The following MACROD2 variants were observed in gnomAD, a reference collection of about 807,000 sequenced individuals.
MACROD2 encodes the protein ADP-ribose glycohydrolase MACROD2.
In MACROD2, 36 loss-of-function variants were observed where a neutral mutation model predicts 70.4. The ratio of observed to expected loss-of-function variants is 0.51; its 90% confidence interval spans 0.39 to 0.68. The LOEUF is 0.68. Ranked by LOEUF, MACROD2 falls within the 30% of genes least tolerant of loss-of-function variation. The pLI is 0.00. For missense variants in MACROD2, 496 were observed against 538.4 expected, an observed-to-expected ratio of 0.92 and a Z score of 0.78; for synonymous variants, 172 against 178.8, an observed-to-expected ratio of 0.96 and a Z score of 0.30.
chr20:14,500,047 A>G (rs1202245643), intron 4 of MACROD2, among the ~76,000 whole-genome samples: 2 of 152,212 alleles, frequency 1.3e-5, no homozygotes, highest in Non-Finnish European at 2.9e-5. Flanking sequence ...AAGAGGTGAC[A>G]TGGGAGCAGT....
intron 2 of MACROD2, among the ~76,000 whole-genome samples, chr20:14,019,639 C>T (rs777396928): frequency 6.6e-5 from 10 of 151,738 alleles, no homozygotes; most frequent in East Asian, 1.9e-4. Context: ...CTGATTGGTT[C>T]GGGATGAAAT....
chr20:14,741,154 G>A (rs1005444805), intron 5 of MACROD2, among the ~76,000 whole-genome samples: 1 of 152,148 alleles, frequency 6.6e-6, no homozygotes, highest in Non-Finnish European at 1.5e-5. Flanking sequence ...TAATTTTCAA[G>A]TGAGGAGAAG....
intron 6 of MACROD2, among the ~76,000 whole-genome samples, chr20:15,394,516 G>C (rs1256101955): frequency 6.6e-6 from 1 of 152,188 alleles, no homozygotes; most frequent in African/African-American, 2.4e-5. Context: ...TGCACAGTCT[G>C]ATTAAAGCTT....
intron 5 of MACROD2, among the ~76,000 whole-genome samples, chr20:14,878,888 C>T (rs1344299594): frequency 1.3e-5 from 2 of 152,124 alleles, no homozygotes; most frequent in Admixed American, 6.5e-5. Flanking sequence ...TTATCTCTAG[C>T]TCTTTGCCCT....
intron 8 of MACROD2, among the ~76,000 whole-genome samples, chr20:15,813,563 A>G (rs1437571243): frequency 6.6e-6 from 1 of 152,184 alleles, no homozygotes; most frequent in African/African-American, 2.4e-5. Context: ...GGATCACTTG[A>G]GCTCATGAGT....
intron 5 of MACROD2, among the ~76,000 whole-genome samples, chr20:14,831,220 T>C (rs1014987236): frequency 6.6e-6 from 1 of 152,142 alleles, no homozygotes; most frequent in Non-Finnish European, 1.5e-5. Flanking sequence ...TTAATTACTC[T>C]GGATTCCTAC....
chr20:15,794,990 G>C (rs867413521), intron 8 of MACROD2, among the ~76,000 whole-genome samples: 2 of 152,026 alleles, frequency 1.3e-5, no homozygotes, highest in Non-Finnish European at 2.9e-5. Flanking sequence ...CCAGTCTGCT[G>C]TTATTTAATT....
intron 4 of MACROD2, among the ~76,000 whole-genome samples, chr20:14,639,492 A>G (rs974718020): frequency 6.6e-6 from 1 of 152,162 alleles, no homozygotes; most frequent in East Asian, 1.9e-4. Context: ...TAATCACCCC[A>G]TAATCTCCAT....
intron 3 of MACROD2, among the ~76,000 whole-genome samples, chr20:14,201,177 G>T (rs1399072839): frequency 6.6e-6 from 1 of 151,734 alleles, no homozygotes. Flanking sequence ...ATTTTTTATG[G>T]CATCAGTTAT....
chr20:15,712,918 G>A (rs2146919282), intron 8 of MACROD2, among the ~76,000 whole-genome samples: 1 of 152,306 alleles, frequency 6.6e-6, no homozygotes, highest in Non-Finnish European at 1.5e-5. Context: ...TTAAGATTCT[G>A]CATCTCATAT....
At chr20:14,084,867 A>C (rs1198092656) in intron 2 of MACROD2, among the ~76,000 whole-genome samples, 2 of 151,932 alleles carry the variant, frequency 1.3e-5, no homozygotes, top group African/African-American at 4.8e-5. Context: ...TCATACCTGT[A>C]ATCCCAGCAC....
chr20:14,957,034 C>T (rs996007585), intron 5 of MACROD2, among the ~76,000 whole-genome samples: 2 of 152,012 alleles, frequency 1.3e-5, no homozygotes, highest in Non-Finnish European at 2.9e-5. Flanking sequence ...TGACAATAAG[C>T]AATAATACTC....
intron 5 of MACROD2, among the ~76,000 whole-genome samples, chr20:15,217,264 A>G (rs1435629306): frequency 6.6e-6 from 1 of 152,234 alleles, no homozygotes; most frequent in Non-Finnish European, 1.5e-5. Context: ...GGTAAATGCA[A>G]CTACGTAGAA....
chr20:15,199,311 C>T (rs1053316882), intron 5 of MACROD2, among the ~76,000 whole-genome samples: 6 of 151,984 alleles, frequency 3.9e-5, no homozygotes, highest in Admixed American at 2.0e-4. Context: ...GAGCTGTGAT[C>T]GCACCAATGC....
intron 5 of MACROD2, among the ~76,000 whole-genome samples, chr20:14,700,522 G>GTTGT (rs1555817948): frequency 0.075 from 8,330 of 111,414 alleles, 403 homozygotes; most frequent in East Asian, 0.21. Flanking sequence ...GACATATGGT[G>GTTGT]GTGTGTGTGT....
intron 8 of MACROD2, among the ~76,000 whole-genome samples, chr20:15,686,872 C>CAAAA (rs142175244): frequency 1.4e-5 from 1 of 69,302 alleles, no homozygotes; most frequent in Non-Finnish European, 3.2e-5. Context: ...GACTCCATCT[C>CAAAA]AAAAAAAAAA....
intron 5 of MACROD2, among the ~76,000 whole-genome samples, chr20:14,984,813 A>G (rs1475400862): frequency 1.3e-5 from 2 of 152,144 alleles, no homozygotes; most frequent in Non-Finnish European, 2.9e-5. Context: ...CTGAGGAACA[A>G]ATAGAGTAGA....
At chr20:15,765,867 TA>T (rs1375050045) in intron 8 of MACROD2, among the ~76,000 whole-genome samples, 1 of 152,026 alleles carries the variant, frequency 6.6e-6, no homozygotes, top group Non-Finnish European at 1.5e-5. Flanking sequence ...TTGTACTTTT[TA>T]TACTTTCAAG....
At chr20:14,294,383 A>G (rs1454370275) in intron 3 of MACROD2, among the ~76,000 whole-genome samples, 1 of 151,264 alleles carries the variant, frequency 6.6e-6, no homozygotes, top group African/African-American at 2.4e-5. Context: ...CAGCCTAATT[A>G]CAATCTTCTG....
Sources: allele counts gnomAD v4.1 joint callset (sites outside exome capture counted in the v4.1 genomes callset), GRCh38; gene constraint gnomAD v4.1.1; transcripts MANE v1.5; gene names NCBI Gene and HGNC (gene_info 2026-07-23, HGNC 2026-07-21).